Variants in ZNF775 observed in about 807,000 individuals in gnomAD.
ZNF775 encodes zinc finger protein 775.
In ZNF775, 1 loss-of-function variant was observed where a neutral mutation model predicts 2.4. That is an observed-to-expected ratio of 0.41 (90% CI 0.15 to 1.94). ZNF775 has a LOEUF of 1.94. Ranked by LOEUF, ZNF775 falls within the 30% of genes most tolerant of loss-of-function variation. The probability of loss-of-function intolerance (pLI) is 0.30; values close to 1 mark genes in which losing one functional copy is unlikely to be tolerated. For missense variants in ZNF775, 823 were observed against 826.6 expected, an observed-to-expected ratio of 1.00 and a Z score of 0.05; for synonymous variants, 381 against 373.3, an observed-to-expected ratio of 1.02 and a Z score of -0.24.
chr7:150,383,021 CTG>C (rs749534071), intron 1 of ZNF775, among the ~76,000 whole-genome samples: 45 of 152,300 alleles, frequency 3.0e-4, no homozygotes, highest in Admixed American at 1.2e-3. Context: ...GTAGGTGTGT[CTG>C]TGAGTTTTAA....
At chr7:150,396,294 C>CTT in intron 2 of ZNF775, among the ~76,000 whole-genome samples, 1 of 152,124 alleles carries the variant, frequency 6.6e-6, no homozygotes, top group Admixed American at 6.6e-5. Context: ...TTAACCTGCC[C>CTT]TTGTTGTCCT....
intron 1 of ZNF775, among the ~76,000 whole-genome samples, chr7:150,385,614 C>T (rs574036463): frequency 1.2e-4 from 18 of 152,282 alleles, no homozygotes; most frequent in Non-Finnish European, 2.2e-4. Context: ...AGGTGCAGCC[C>T]GTTACAGACA....
intron 2 of ZNF775, 41 bp from the exon 3 acceptor site, chr7:150,396,472 A>T (rs1287627145): frequency 6.5e-7 from 1 of 1,537,254 alleles, no homozygotes; most frequent in Admixed American, 2.3e-5. Context: ...GCGGAGCAGC[A>T]GTGACCTCTC....
At chr7:150,391,509 A>AAAAT (rs1223342703) in intron 2 of ZNF775, among the ~76,000 whole-genome samples, 1 of 152,112 alleles carries the variant, frequency 6.6e-6, no homozygotes, top group Non-Finnish European at 1.5e-5. Context: ...CTCTGTCTCA[A>AAAAT]AAATAAATAA....
rs1800718861 is a variant in ZNF775 at position 150,398,153 on chromosome 7, G to A, written c.*58G>A. On this transcript the variant is annotated 3_prime_UTR_variant, in exon 3 of 3. Coordinates refer to ENST00000329630, the MANE Select transcript of ZNF775 (RefSeq NM_173680.4). ...GGGGGATGTTTGCGGGGTGTGTGTGGGGAGTGGGGGTGGCCAGGATTGCTG... is the reference window on the plus strand; with the variant it reads ...GGGGGATGTTTGCGGGGTGTGTGTGAGGAGTGGGGGTGGCCAGGATTGCTG... 12 of 1,523,086 alleles carry A rather than the reference G, an allele frequency of 7.9e-6. No homozygotes were observed. The highest frequency in any genetic ancestry group is 2.2e-5 in the Admixed American group (1 of 46,474). 94.3% of individuals were successfully genotyped at this position (1,523,086 alleles called of 1,614,324 possible). A position where few individuals can be genotyped will look rare whatever the true frequency, so the allele number is the denominator to read the frequency against.
At chr7:150,383,139 G>T (rs1482276433) in intron 1 of ZNF775, among the ~76,000 whole-genome samples, 1 of 152,160 alleles carries the variant, frequency 6.6e-6, no homozygotes, top group Non-Finnish European at 1.5e-5. Context: ...AGATATGATT[G>T]TATCTGGGTG....
Position 150,397,995 on chromosome 7 carries a change from C to T in ZNF775, c.1514C>T (p.Pro505Leu). The T allele has an allele frequency of 1.9e-6, 3 of 1,589,816 alleles. No individual in the cohort carries two copies. The highest frequency in any genetic ancestry group is 2.2e-5 in the South Asian group (2 of 89,778). ...ACAGGCGAGCGGCCCTACCTGTGTC[C>T]CGCCTGCGGCCGCGGCTTCAGCCAG... ...NHTGERPYLC[P>L]ACGRGFSQKQ... The change falls in exon 3 of 3, where the codon CCC becomes CTC. Residue 505 changes from proline to leucine, a missense_variant. Transcript: ENST00000329630.
At chr7:150,386,007 C>T (rs914159481) in intron 1 of ZNF775, among the ~76,000 whole-genome samples, 7 of 152,112 alleles carry the variant, frequency 4.6e-5, no homozygotes, top group Non-Finnish European at 8.8e-5. Context: ...ACAATCTCGG[C>T]TCACTGCAAC....
Position 150,397,321 on chromosome 7 carries a change from G to T in ZNF775, c.840G>T (p.Gln280His). 1 of 1,588,692 alleles carries T rather than the reference G, an allele frequency of 6.3e-7. No homozygotes were observed. Among genetic ancestry groups the T allele is most frequent in the Non-Finnish European group, 8.5e-7 (1 of 1,171,724 alleles). The change falls in exon 3 of 3, where the codon CAG (glutamine) becomes CAT (histidine). Residue 280 changes from glutamine (Q) to histidine (H), a missense_variant. By Grantham distance (24) the Gln-to-His change is conservative (BLOSUM62 0). Coordinates refer to ENST00000329630, the MANE Select transcript of ZNF775 (RefSeq NM_173680.4). ...SGPEGPGEPR[Q>H]FICNECGKSF... The stretch of plus-strand genomic sequence containing the variant: ...CCGAGGGGCCGGGCGAGCCGCGCCA[G>T]TTCATCTGCAACGAGTGTGGCAAGA...
At position 150,396,515 on chromosome 7, in the gene ZNF775, G is replaced by A; in HGVS notation, c.34G>A (p.Ala12Thr). 1.3e-6 allele frequency: 2 copies of A among 1,592,428 alleles called. No individual in the cohort carries two copies. The highest frequency in any genetic ancestry group is 1.1e-5 in the South Asian group (1 of 87,502). ...TCTCTCCCGCTTGCCTCTGGCAGGAGCTGGGCTGGTGATGAAGGTCAAGCA... is the reference window on the plus strand; with the variant it reads ...TCTCTCCCGCTTGCCTCTGGCAGGAACTGGGCTGGTGATGAAGGTCAAGCA... The part of the protein sequence containing the change: ...ESGLAGNGTG[A>T]GLVMKVKQEK... The change falls in exon 3 of 3, where the codon GCT (alanine) becomes ACT (threonine). Residue 12 changes from alanine (A) to threonine (T), a missense_variant and splice_region_variant. Coordinates refer to ENST00000329630, the MANE Select transcript of ZNF775 (RefSeq NM_173680.4).
At chr7:150,392,050 T>G (rs1029308200) in intron 2 of ZNF775, among the ~76,000 whole-genome samples, 1 of 152,214 alleles carries the variant, frequency 6.6e-6, no homozygotes, top group Non-Finnish European at 1.5e-5. Flanking sequence ...GTTTATAGTA[T>G]CTTTTGTCAT....
At chr7:150,390,693 TA>T (rs1800546097) in intron 2 of ZNF775, among the ~76,000 whole-genome samples, 4 of 152,258 alleles carry the variant, frequency 2.6e-5, no homozygotes, top group African/African-American at 7.2e-5. Flanking sequence ...AACTATTTTT[TA>T]GGATAATTAA....
At chr7:150,390,646 T>C (rs968960311) in intron 2 of ZNF775, among the ~76,000 whole-genome samples, 3 of 152,272 alleles carry the variant, frequency 2.0e-5, no homozygotes, top group Non-Finnish European at 1.5e-5. Context: ...TTTTCCATTC[T>C]TTTTACTTGA....
chr7:150,385,967 C>CTT (rs35572321), intron 1 of ZNF775, among the ~76,000 whole-genome samples: 4 of 151,594 alleles, frequency 2.6e-5, no homozygotes, highest in East Asian at 1.9e-4. Context: ...GCTTATTTAG[C>CTT]TTTTTTTTGA....
rs764774883 is a variant in ZNF775, at chr7:150,396,987, C to T, written c.506C>T (p.Ala169Val). The change falls in exon 3 of 3, where the codon GCG (alanine) becomes GTG (valine). Residue 169 changes from alanine to valine, a missense_variant. Transcript: ENST00000329630. ...CGACCCTTCTGCTGCCCCGAGTGCG[C>T]GCGGCGCTTCAGCCAGAAGCAGCAC... The part of the protein sequence containing the change: ...GERPFCCPEC[A>V]RRFSQKQHLL... 2.1e-4 allele frequency: 342 copies of T among 1,596,466 alleles called. 1 individual carries two copies. The highest frequency in any genetic ancestry group is 2.8e-4 in the Non-Finnish European group (334 of 1,178,064).
At chr7:150,391,359 T>C (rs1471062895) in intron 2 of ZNF775, among the ~76,000 whole-genome samples, 1 of 151,956 alleles carries the variant, frequency 6.6e-6, no homozygotes, top group Non-Finnish European at 1.5e-5. Flanking sequence ...AATACAAAAC[T>C]TAGCTGGGTG....
Position 150,397,879 on chromosome 7 carries a change from C to T in ZNF775, c.1398C>T (p.Arg466=), listed in dbSNP as rs1457934899. ...SWWSALTIHQ[R]IHTGERPYPC... is the part of the protein sequence containing the mutation. ...GGTCGGCGCTCACCATCCACCAGCG[C>T]ATCCACACGGGTGAGCGGCCCTACC... is the stretch of plus-strand genomic sequence containing the variant. Residue 466 remains arginine (R), a synonymous_variant, in exon 3 of 3, where the codon CGC becomes CGT. Coordinates refer to ENST00000329630, the MANE Select transcript of ZNF775 (RefSeq NM_173680.4). 4 of 1,603,728 alleles carry T rather than the reference C, an allele frequency of 2.5e-6. No homozygotes were observed. Among genetic ancestry groups the T allele is most frequent in the African/African-American group, 1.3e-5 (1 of 74,758 alleles).
chr7:150,389,812 T>A (rs1340343017), intron 2 of ZNF775, among the ~76,000 whole-genome samples: 1 of 152,154 alleles, frequency 6.6e-6, no homozygotes, highest in Non-Finnish European at 1.5e-5. Context: ...ACCCCGTTTT[T>A]CAGACAATTG....
In ZNF775 at chr7:150,382,423, A is replaced by C. The variant is rs1267657446; in HGVS notation, c.-50+3031A>C. 6.6e-6 allele frequency among the ~76,000 whole-genome samples: 1 copy of C among 150,742 alleles called. No homozygotes were observed. Among genetic ancestry groups the C allele is most frequent in the Non-Finnish European group, 1.5e-5 (1 of 67,678 alleles). The stretch of plus-strand genomic sequence containing the variant: ...ACTGGCCAGGGACTAGCAGCGGCTC[A>C]GTGGTGGGTGGGCTGGGACTTGGGG... On this transcript the variant is annotated intron_variant, in intron 1 of 2. Coordinates refer to ENST00000329630, the MANE Select transcript of ZNF775 (RefSeq NM_173680.4). This position sits in a 1 kb window ranked among gnomAD's most constrained non-coding sequence, Gnocchi z 4.6.
Sources: gnomAD v4.1 joint callset for allele counts (sites outside exome capture counted in the v4.1 genomes callset) on GRCh38, gnomAD v4.1.1 for gene constraint, Gnocchi (gnomAD v3.1) non-coding constraint, MANE v1.5 for transcripts, NCBI Gene and HGNC (gene_info 2026-07-23, HGNC 2026-07-21) for gene names.